Variants in LRFN5 observed in about 807,000 individuals in gnomAD.
LRFN5 encodes leucine-rich repeat and fibronectin type-III domain-containing protein 5.
Under a neutral mutation model 45.6 loss-of-function variants are expected in LRFN5, and 24 were observed. That is an observed-to-expected ratio of 0.53 (90% CI 0.38 to 0.74). The LOEUF is 0.74. Ranked by LOEUF, LRFN5 falls within the 30% of genes least tolerant of loss-of-function variation. The probability of loss-of-function intolerance (pLI) is 0.00; values close to 1 mark genes in which losing one functional copy is unlikely to be tolerated. For synonymous variants in LRFN5, 340 were observed against 313.8 expected (o/e 1.08, Z -0.88); for missense variants, 776 against 861.5 (o/e 0.90, Z 1.24).
At chr14:41,733,514 T>C (rs894682832) in intron 1 of LRFN5, 1 of 151,976 alleles carries the variant, frequency 6.6e-6, no homozygotes, top group African/African-American at 2.4e-5. Flanking sequence ...AAAGCTGAAG[T>C]AGTTATTACC....
chr14:41,805,774 A>C (rs1887505467), intron 2 of LRFN5, among the ~76,000 whole-genome samples: 1 of 152,198 alleles, frequency 6.6e-6, no homozygotes, highest in Non-Finnish European at 1.5e-5. Flanking sequence ...ATACGTTAGA[A>C]CAGGAAGATG....
chr14:41,781,500 A>AAGGGAGGGAGGAAGGG, intron 2 of LRFN5, among the ~76,000 whole-genome samples: 2 of 139,598 alleles, frequency 1.4e-5, no homozygotes, highest in African/African-American at 2.6e-5. Context: ...AGAAGGAAGG[A>AAGGGAGGGAGGAAGGG]AGGGAGGGAG....
chr14:41,745,665 T>A (rs1204171070), intron 1 of LRFN5, among the ~76,000 whole-genome samples: 5 of 151,968 alleles, frequency 3.3e-5, no homozygotes, highest in Non-Finnish European at 5.9e-5. Context: ...TCAAAATAAG[T>A]TTGTTATAAG....
chr14:41,748,810 A>G (rs892649800), intron 1 of LRFN5, among the ~76,000 whole-genome samples: 9 of 152,006 alleles, frequency 5.9e-5, no homozygotes, highest in African/African-American at 1.9e-4. Context: ...TTTGCATTTA[A>G]AGGTAATCAT....
chr14:41,696,734 A>G (rs183170768), intron 1 of LRFN5, among the ~76,000 whole-genome samples: 14 of 152,016 alleles, frequency 9.2e-5, no homozygotes, highest in African/African-American at 3.1e-4. Context: ...AACACTTGTT[A>G]TCTTTCATCT....
intron 2 of LRFN5, among the ~76,000 whole-genome samples, chr14:41,873,429 G>A (rs1380534284): frequency 6.6e-6 from 1 of 151,516 alleles, no homozygotes; most frequent in Non-Finnish European, 1.5e-5. Flanking sequence ...CAGAGAGAGA[G>A]AGAGAGAGAG....
At chr14:41,675,384 C>G (rs989621173) in intron 1 of LRFN5, among the ~76,000 whole-genome samples, 1 of 152,252 alleles carries the variant, frequency 6.6e-6, no homozygotes, top group Admixed American at 6.5e-5. Context: ...GCGGATCACT[C>G]GCTGTTAGGA....
At chr14:41,722,318 GT>G (rs1165633823) in intron 1 of LRFN5, among the ~76,000 whole-genome samples, 4 of 151,932 alleles carry the variant, frequency 2.6e-5, no homozygotes, top group Non-Finnish European at 5.9e-5. Context: ...GTCTCTTTGA[GT>G]TTCTTTGCAA....
At chr14:41,713,803 T>G (rs2138752442) in intron 1 of LRFN5, among the ~76,000 whole-genome samples, 1 of 152,244 alleles carries the variant, frequency 6.6e-6, no homozygotes, top group East Asian at 1.9e-4. Flanking sequence ...CCTGAAACAA[T>G]TTGTCATTAT....
intron 1 of LRFN5, among the ~76,000 whole-genome samples, chr14:41,754,379 G>T (rs1005462481): frequency 6.6e-6 from 1 of 152,114 alleles, no homozygotes. Flanking sequence ...ATTCGGCTGT[G>T]AATCCATCTG....
intron 2 of LRFN5, among the ~76,000 whole-genome samples, chr14:41,829,879 A>G (rs577435471): frequency 8.1e-4 from 122 of 150,834 alleles, no homozygotes; most frequent in Non-Finnish European, 1.7e-3. Context: ...TTTAAAATGT[A>G]TTTACTTGAA....
chr14:41,767,746 G>T (rs887640326), intron 2 of LRFN5, among the ~76,000 whole-genome samples: 5 of 152,120 alleles, frequency 3.3e-5, no homozygotes, highest in African/African-American at 1.2e-4. Flanking sequence ...TTATGTATGG[G>T]CTTTCTAACT....
chr14:41,822,237 G>A (rs1009115184), intron 2 of LRFN5, among the ~76,000 whole-genome samples: 3 of 151,672 alleles, frequency 2.0e-5, no homozygotes, highest in Non-Finnish European at 4.4e-5. Flanking sequence ...ATTTCCTTGA[G>A]GTGTAATGTG....
intron 1 of LRFN5, among the ~76,000 whole-genome samples, chr14:41,673,842 G>A (rs768889821): frequency 2.0e-4 from 29 of 145,568 alleles, no homozygotes; most frequent in Non-Finnish European, 3.0e-4. Flanking sequence ...ATGGCCGGGC[G>A]GGGGGCTGAA....
At chr14:41,659,915 T>C (rs1880564381) in intron 1 of LRFN5, among the ~76,000 whole-genome samples, 3 of 151,704 alleles carry the variant, frequency 2.0e-5, no homozygotes, top group African/African-American at 7.3e-5. Flanking sequence ...TTTGTAAATT[T>C]GCTTAAGTTC....
chr14:41,711,576 T>A (rs1883286708), intron 1 of LRFN5, among the ~76,000 whole-genome samples: 1 of 152,216 alleles, frequency 6.6e-6, no homozygotes, highest in Non-Finnish European at 1.5e-5. Context: ...ATTCTGTACT[T>A]CTTGTTCCAA....
At chr14:41,653,965 G>T (rs964118552) in intron 1 of LRFN5, among the ~76,000 whole-genome samples, 1 of 151,940 alleles carries the variant, frequency 6.6e-6, no homozygotes, top group Non-Finnish European at 1.5e-5. Context: ...AAGTAGCACT[G>T]CATGTTCTCA....
chr14:41,885,155 CAAAAAAAA>C (rs56318694), intron 2 of LRFN5, among the ~76,000 whole-genome samples: 3 of 129,470 alleles, frequency 2.3e-5, no homozygotes, highest in Admixed American at 7.9e-5. Context: ...CCTGTCTCTA[CAAAAAAAA>C]AAAAAAAAAA....
At chr14:41,792,282 G>C (rs188230214) in intron 2 of LRFN5, among the ~76,000 whole-genome samples, 1 of 152,144 alleles carries the variant, frequency 6.6e-6, no homozygotes, top group Admixed American at 6.6e-5. Context: ...AGGACGAAAG[G>C]CAAAACAGAA....
Sources: allele counts gnomAD v4.1 joint callset (sites outside exome capture counted in the v4.1 genomes callset), GRCh38; gene constraint gnomAD v4.1.1; transcripts MANE v1.5; gene names NCBI Gene and HGNC (gene_info 2026-07-23, HGNC 2026-07-21).